Variants in DLGAP1 observed in about 807,000 individuals in gnomAD.
DLGAP1 encodes disks large-associated protein 1.
Under a neutral mutation model 90.8 loss-of-function variants are expected in DLGAP1, and 11 were observed. The observed-to-expected ratio is 0.12, with a 90% CI of 0.08 to 0.20. DLGAP1 has a LOEUF of 0.20. Among genes scored for constraint, DLGAP1 ranks in the 10% least tolerant of loss-of-function variants. The probability of loss-of-function intolerance (pLI) is 1.00; values close to 1 mark genes in which losing one functional copy is unlikely to be tolerated. For synonymous variants in DLGAP1, 558 were observed against 540.7 expected, an observed-to-expected ratio of 1.03 and a Z score of -0.44; for missense variants, 1,050 against 1,333.8, an observed-to-expected ratio of 0.79 and a Z score of 3.31.
rs1470346074 is a variant in DLGAP1, at chr18:4,169,287, T to C, written c.-266-18000A>G. On this transcript the variant is annotated intron_variant, in intron 1 of 12. Coordinates refer to ENST00000315677, the MANE Select transcript of DLGAP1 (RefSeq NM_004746.4). The stretch of plus-strand genomic sequence containing the variant: ...ACTATACCACTTATGGCCAAACTAA[T>C]GGATGTGAAGTGGTACCTCACTGTA... 5.3e-5 allele frequency among the ~76,000 whole-genome samples: 8 copies of C among 152,336 alleles called. 1 individual carries two copies. In the South Asian group the frequency reaches 1.7e-3, roughly 32 times the overall value.
At chr18:4,142,817 G>C (rs778333330) in intron 2 of DLGAP1, among the ~76,000 whole-genome samples, 4 of 152,018 alleles carry the variant, frequency 2.6e-5, no homozygotes, top group Non-Finnish European at 5.9e-5. Flanking sequence ...TGTATTAGGC[G>C]GTACCCCAAG....
At chr18:4,256,885 G>T (rs1448748717) in intron 1 of DLGAP1, among the ~76,000 whole-genome samples, 1 of 152,134 alleles carries the variant, frequency 6.6e-6, no homozygotes, top group African/African-American at 2.4e-5. Context: ...GAAGGGCGAA[G>T]ACAGCTGGAA....
chr18:4,303,124 A>T (rs1000612765), intron 1 of DLGAP1, among the ~76,000 whole-genome samples: 2 of 152,204 alleles, frequency 1.3e-5, no homozygotes, highest in Admixed American at 6.5e-5. Context: ...AGAGGCCACT[A>T]AAACAATTGT....
chr18:4,408,547 T>A (rs1208797767), intron 1 of DLGAP1, among the ~76,000 whole-genome samples: 2 of 151,982 alleles, frequency 1.3e-5, no homozygotes, highest in Non-Finnish European at 2.9e-5. Flanking sequence ...GACGTTGGTA[T>A]AAGGGATATG....
intron 2 of DLGAP1, among the ~76,000 whole-genome samples, chr18:4,078,085 A>G (rs1398103309): frequency 6.6e-6 from 1 of 152,240 alleles, no homozygotes; most frequent in Admixed American, 6.5e-5. Flanking sequence ...TAAACGACAG[A>G]TACTCCATGG....
chr18:3,941,958 T>A (rs76851444), intron 3 of DLGAP1, among the ~76,000 whole-genome samples: 5,677 of 152,264 alleles, frequency 0.037, 165 homozygotes, highest in South Asian at 0.11. Context: ...AAGCAGATCC[T>A]CTCACCTCAG....
chr18:4,272,238 C>G (rs1021371808), intron 1 of DLGAP1, among the ~76,000 whole-genome samples: 1 of 152,136 alleles, frequency 6.6e-6, no homozygotes, highest in Admixed American at 6.6e-5. Context: ...GAAGAACTGT[C>G]ATCTACAAAC....
chr18:3,663,396 G>T (rs1240346771), intron 7 of DLGAP1, among the ~76,000 whole-genome samples: 9 of 152,214 alleles, frequency 5.9e-5, no homozygotes, highest in African/African-American at 2.2e-4. Context: ...CTGAAGCATG[G>T]ATGACTAACG....
chr18:4,391,043 C>T lies in DLGAP1; in HGVS notation c.-267+63963G>A, dbSNP rs78359920. On this transcript the variant is annotated intron_variant, in intron 1 of 12. Transcript: ENST00000315677. ...ATTTAACTTAGCCTATCCCGATTGA[C>T]ACATATAATCAAGTCCAGTGTATCC... is the stretch of plus-strand genomic sequence containing the variant. 1.4e-3 allele frequency among the ~76,000 whole-genome samples: 220 copies of T among 152,280 alleles called. 6 individuals carry two copies. The East Asian group carries it at 0.034, about 23-fold the overall frequency.
At chr18:4,047,693 T>C (rs574731540) in intron 2 of DLGAP1, among the ~76,000 whole-genome samples, 2 of 152,364 alleles carry the variant, frequency 1.3e-5, no homozygotes, top group South Asian at 2.1e-4. Flanking sequence ...TCAATCACCT[T>C]TATCCAGATC....
At chr18:3,892,769 G>A (rs1318334009) in intron 3 of DLGAP1, among the ~76,000 whole-genome samples, 1 of 151,938 alleles carries the variant, frequency 6.6e-6, no homozygotes, top group Non-Finnish European at 1.5e-5. Flanking sequence ...AGGAGGTGTA[G>A]CTGGCTCAGA....
intron 2 of DLGAP1, among the ~76,000 whole-genome samples, chr18:4,063,965 C>T (rs1444903391): frequency 6.6e-6 from 1 of 152,006 alleles, no homozygotes; most frequent in Non-Finnish European, 1.5e-5. Flanking sequence ...GGCTGAGAGC[C>T]TATGGCCCCC....
intron 4 of DLGAP1, among the ~76,000 whole-genome samples, chr18:3,867,462 G>A (rs3850810): frequency 0.66 from 99,759 of 151,970 alleles, 37,912 homozygotes; most frequent in Non-Finnish European, 0.85. Flanking sequence ...TGCTAAAGAG[G>A]GTTCACGGGG....
At chr18:4,171,584 A>G (rs1317750799) in intron 1 of DLGAP1, among the ~76,000 whole-genome samples, 1 of 151,968 alleles carries the variant, frequency 6.6e-6, no homozygotes, top group African/African-American at 2.4e-5. Flanking sequence ...AAAAGAAAAA[A>G]AAGAAAGTAT....
intron 1 of DLGAP1, among the ~76,000 whole-genome samples, chr18:4,228,406 C>T (rs1008073136): frequency 1.3e-5 from 2 of 151,982 alleles, no homozygotes; most frequent in Admixed American, 6.6e-5. Flanking sequence ...AAACTACAGG[C>T]CAATATCCCT....
At chr18:3,605,873 A>T in intron 7 of DLGAP1, among the ~76,000 whole-genome samples, 1 of 152,174 alleles carries the variant, frequency 6.6e-6, no homozygotes, top group East Asian at 1.9e-4. Flanking sequence ...GTAAACAAAA[A>T]CCAAAAAGTT....
At chr18:3,728,403 T>C (rs1041893225) in intron 7 of DLGAP1, among the ~76,000 whole-genome samples, 43 of 151,782 alleles carry the variant, frequency 2.8e-4, no homozygotes, top group African/African-American at 1.0e-3. Flanking sequence ...TTGTCATATA[T>C]AGCCCACGGC....
chr18:4,238,364 A>G (rs1470428132), intron 1 of DLGAP1, among the ~76,000 whole-genome samples: 1 of 152,218 alleles, frequency 6.6e-6, no homozygotes, highest in Admixed American at 6.5e-5. Flanking sequence ...AAAAAGCCTG[A>G]TATCTGAAGT....
intron 1 of DLGAP1, among the ~76,000 whole-genome samples, chr18:4,299,523 T>C (rs900705391): frequency 3.9e-5 from 6 of 152,222 alleles, no homozygotes; most frequent in Non-Finnish European, 8.8e-5. Context: ...AGAGCATCTA[T>C]GAAAATAAAC....
Sources: allele counts gnomAD v4.1 joint callset (sites outside exome capture counted in the v4.1 genomes callset), GRCh38; gene constraint gnomAD v4.1.1; transcripts MANE v1.5; gene names NCBI Gene and HGNC (gene_info 2026-07-23, HGNC 2026-07-21).